KIAA1958: variants seen among roughly 807,000 people sequenced by gnomAD.
The protein encoded by KIAA1958 is uncharacterized protein KIAA1958.
A neutral mutation model predicts 47.2 loss-of-function variants in KIAA1958; 14 were observed. The observed-to-expected ratio is 0.30, with a 90% confidence interval of 0.20 to 0.46. KIAA1958 has a LOEUF of 0.46. Ranked by LOEUF, KIAA1958 falls within the 20% of genes least tolerant of loss-of-function variation. KIAA1958 has a pLI of 1.00. For missense variants in KIAA1958, 803 were observed against 909.2 expected (o/e 0.88, Z 1.50); for synonymous variants, 354 against 353.3 (o/e 1.00, Z -0.02).
chr9:112,494,517 G>A (rs1834020352), intron 1 of KIAA1958, among the ~76,000 whole-genome samples: 1 of 151,008 alleles, frequency 6.6e-6, no homozygotes, highest in Admixed American at 6.6e-5. Flanking sequence ...CACCCAGGCT[G>A]GAATGCAGTG....
intron 2 of KIAA1958, among the ~76,000 whole-genome samples, chr9:112,586,668 A>G (rs1835827271): frequency 6.6e-6 from 1 of 152,218 alleles, no homozygotes; most frequent in East Asian, 1.9e-4. Flanking sequence ...TATGATTAAG[A>G]CTTCCAAATA....
chr9:112,498,164 T>C (rs1834075965), intron 1 of KIAA1958, among the ~76,000 whole-genome samples: 1 of 152,166 alleles, frequency 6.6e-6, no homozygotes, highest in South Asian at 2.1e-4. Context: ...TCTGACATCT[T>C]CTGAAAACAA....
chr9:112,489,566 G>T (rs1434570161), intron 1 of KIAA1958, among the ~76,000 whole-genome samples: 2 of 151,764 alleles, frequency 1.3e-5, no homozygotes, highest in African/African-American at 4.8e-5. Flanking sequence ...GCATTCCAGA[G>T]AACCTTACAT....
intron 2 of KIAA1958, among the ~76,000 whole-genome samples, chr9:112,586,398 A>G (rs1226063132): frequency 6.6e-6 from 1 of 152,198 alleles, no homozygotes; most frequent in Non-Finnish European, 1.5e-5. Flanking sequence ...TAAGAACTAA[A>G]CATATAATTG....
chr9:112,639,421 C>T (rs1215556586), intron 2 of KIAA1958, among the ~76,000 whole-genome samples: 1 of 152,128 alleles, frequency 6.6e-6, no homozygotes, highest in Non-Finnish European at 1.5e-5. Flanking sequence ...TTTAACATTT[C>T]ATCCTAGGAC....
chr9:112,619,955 C>T lies in KIAA1958; in HGVS notation c.1172-25695C>T, dbSNP rs1159553577. Among the ~76,000 whole-genome samples, 7 of 152,178 alleles carry T rather than the reference C, an allele frequency of 4.6e-5. No individual in the cohort carries two copies. The East Asian group carries it at 1.2e-3, about 25-fold the overall frequency. ...TTCTCCTGAGGCAAGGGTGTGTATT[C>T]GACTCTGTGATTGAGATCCAAGGAA... On this transcript the variant is annotated intron_variant, in intron 2 of 3. Coordinates refer to ENST00000337530, the MANE Select transcript of KIAA1958 (RefSeq NM_133465.4).
At chr9:112,511,333 T>C (rs955378974) in intron 1 of KIAA1958, among the ~76,000 whole-genome samples, 2 of 152,316 alleles carry the variant, frequency 1.3e-5, no homozygotes, top group Non-Finnish European at 2.9e-5. Context: ...TATTCTGATG[T>C]ACAGAAAAGT....
At chr9:112,594,653 A>G (rs1342849814) in intron 2 of KIAA1958, among the ~76,000 whole-genome samples, 2 of 152,168 alleles carry the variant, frequency 1.3e-5, no homozygotes, top group African/African-American at 4.8e-5. Flanking sequence ...GGTTGTTTTC[A>G]CATTTTGGCT....
Position 112,504,389 on chromosome 9 carries a change from A to G in KIAA1958, c.-25+17271A>G, listed in dbSNP as rs182252990. Among the ~76,000 whole-genome samples the G allele has an allele frequency of 5.7e-4, 87 of 152,282 alleles. 1 individual carries two copies. The highest frequency in any genetic ancestry group is 2.1e-3 in the African/African-American group (87 of 41,554). On this transcript the variant is annotated intron_variant, in intron 1 of 3. Coordinates refer to ENST00000337530, the MANE Select transcript of KIAA1958 (RefSeq NM_133465.4). Reference sequence around the variant, plus strand: ...TTTTGAGTAGAGACGGGATTTCGCCATGTTGGCCAGGCGGGTCTCGAATTC... The same window carrying G: ...TTTTGAGTAGAGACGGGATTTCGCCGTGTTGGCCAGGCGGGTCTCGAATTC...
chr9:112,548,851 C>G (rs556333154), intron 1 of KIAA1958, among the ~76,000 whole-genome samples: 129 of 152,256 alleles, frequency 8.5e-4, no homozygotes, highest in South Asian at 2.1e-3. Flanking sequence ...GGCCTCTGAT[C>G]AATATGACCG....
At chr9:112,532,673 G>T (rs1364754934) in intron 1 of KIAA1958, among the ~76,000 whole-genome samples, 1 of 152,190 alleles carries the variant, frequency 6.6e-6, no homozygotes, top group Non-Finnish European at 1.5e-5. Flanking sequence ...CATTCAAGTC[G>T]TCTCATTTCA....
chr9:112,581,998 C>A, intron 2 of KIAA1958: 1 of 251,506 alleles, frequency 4.0e-6, no homozygotes, highest in Admixed American at 3.7e-5. Flanking sequence ...TGAATGCAAA[C>A]TCACTGCAGT....
chr9:112,548,930 C>A (rs923710804), intron 1 of KIAA1958, among the ~76,000 whole-genome samples: 1 of 152,136 alleles, frequency 6.6e-6, no homozygotes, highest in Non-Finnish European at 1.5e-5. Flanking sequence ...CATGTGAAGA[C>A]ACCAGAAGAA....
chr9:112,519,121 T>G (rs1834493507), intron 1 of KIAA1958, among the ~76,000 whole-genome samples: 1 of 151,990 alleles, frequency 6.6e-6, no homozygotes, highest in Admixed American at 6.6e-5. Flanking sequence ...ATTATTATTT[T>G]TTTAAGAGAC....
chr9:112,499,273 C>T lies in KIAA1958; in HGVS notation c.-25+12155C>T, dbSNP rs115212291. Among the ~76,000 whole-genome samples the T allele has an allele frequency of 5.1e-3, 776 of 152,312 alleles. 11 individuals carry two copies. The highest frequency in any genetic ancestry group is 0.018 in the African/African-American group (735 of 41,572). On this transcript the variant is annotated intron_variant, in intron 1 of 3. Transcript: ENST00000337530. ...TGGTTTTCTTTTCTTTGGATAAATACTCAGCAGTGGGATTGCTGGATTAGT... is the reference window on the plus strand; with the variant it reads ...TGGTTTTCTTTTCTTTGGATAAATATTCAGCAGTGGGATTGCTGGATTAGT...
intron 2 of KIAA1958, among the ~76,000 whole-genome samples, chr9:112,625,566 A>G (rs1279546293): frequency 6.6e-6 from 1 of 152,188 alleles, no homozygotes; most frequent in Admixed American, 6.5e-5. Flanking sequence ...AGCCGGGACT[A>G]GAGGCAGGCA....
intron 1 of KIAA1958, among the ~76,000 whole-genome samples, chr9:112,511,666 A>G (rs761887096): frequency 1.1e-4 from 17 of 152,240 alleles, no homozygotes; most frequent in Non-Finnish European, 2.2e-4. Context: ...CACCAAAGAA[A>G]GTAGAAGAAA....
chr9:112,542,387 T>C (rs1426238677), intron 1 of KIAA1958, among the ~76,000 whole-genome samples: 1 of 152,130 alleles, frequency 6.6e-6, no homozygotes, highest in Non-Finnish European at 1.5e-5. Context: ...GAAGAATATA[T>C]TCATGAATAT....
rs1488389127 is a variant in KIAA1958 at position 112,662,643 on chromosome 9, T to C, written c.*2574T>C. 6.6e-6 allele frequency: 1 copy of C among 152,196 alleles called. No homozygotes were observed. The highest frequency in any genetic ancestry group is 2.4e-5 in the African/African-American group (1 of 41,420). The allele number at this position is 152,196 out of a possible 1,614,324, so 9.4% of individuals were successfully genotyped here. On this transcript the variant is annotated 3_prime_UTR_variant, in exon 4 of 4. Transcript: ENST00000337530. ...CCCATCTCTACTAAAAATACAAAAATTAGCCGGGCGTGGTGGCAGGTGCCT... is the reference window on the plus strand; with the variant it reads ...CCCATCTCTACTAAAAATACAAAAACTAGCCGGGCGTGGTGGCAGGTGCCT...
Sources: allele counts gnomAD v4.1 joint callset (sites outside exome capture counted in the v4.1 genomes callset), GRCh38; gene constraint gnomAD v4.1.1; transcripts MANE v1.5; gene names NCBI Gene and HGNC (gene_info 2026-07-23, HGNC 2026-07-21).